The following DOK4 variants were observed in gnomAD, a reference collection of about 807,000 sequenced individuals.
DOK4 encodes the protein docking protein 4.
DOK4 carries 26 observed loss-of-function variants against 40.1 expected under a neutral mutation model. The ratio of observed to expected loss-of-function variants is 0.65; its 90% CI spans 0.48 to 0.90. The LOEUF (loss-of-function observed/expected upper bound fraction) is 0.90. DOK4 is among the 40% of genes least tolerant of loss of function. The pLI, the probability that DOK4 is intolerant of heterozygous loss-of-function variation, is 0.00. For missense variants in DOK4, 392 were observed against 437.2 expected (o/e 0.90, Z 0.92); for synonymous variants, 179 against 177.0 (o/e 1.01, Z -0.09).
Position 57,479,752 on chromosome 16 carries a change from G to A in DOK4, c.-181-64C>T, listed in dbSNP as rs1169340047. Reference sequence around the variant, plus strand: ...ATCTTTCTCTTCCTCTCGCTGTCTCGCTCTCTTTTTTCCTTCCTCTTCCCA... The same window carrying A: ...ATCTTTCTCTTCCTCTCGCTGTCTCACTCTCTTTTTTCCTTCCTCTTCCCA... On this transcript the variant is annotated intron_variant, in intron 1 of 8. Coordinates refer to ENST00000340099, the Ensembl canonical transcript of DOK4. The surrounding 1 kb of genome is among the most constrained non-coding windows in gnomAD (Gnocchi z 5.8). 6.9e-6 allele frequency: 3 copies of A among 436,028 alleles called. No homozygotes were observed. The highest frequency in any genetic ancestry group is 6.3e-4 in the Middle Eastern group (1 of 1,596). The allele number at this position is 436,028 out of a possible 1,614,324, so 27.0% of individuals were successfully genotyped here.
At position 57,485,698 on chromosome 16, in the gene DOK4, TAGAA is replaced by T. The variant is rs2031521984; in HGVS notation, c.-182+603_-182+606del. On this transcript the variant is annotated intron_variant, in intron 1 of 8. Coordinates refer to ENST00000340099, the Ensembl canonical transcript of DOK4. This position sits in a 1 kb window ranked among gnomAD's most constrained non-coding sequence, Gnocchi z 4.3. The stretch of plus-strand genomic sequence containing the variant: ...CTCGGCTCATGCCCCTTTTCAGTAA[TAGAA>T]AGCATGTAACTGGATCTAGGGCCTT... 6.6e-6 allele frequency among the ~76,000 whole-genome samples: 1 copy of T among 152,010 alleles called. No homozygotes were observed. Among genetic ancestry groups the T allele is most frequent in the African/African-American group, 2.4e-5 (1 of 41,380 alleles).
rs114686547 is a variant in DOK4 at position 57,477,489 on chromosome 16, T to C, written c.67-1532A>G. The stretch of plus-strand genomic sequence containing the variant: ...TATGAAGGAACCGTGAATGAATGGA[T>C]GGATGAATGGATGGATGCTGCCGAC... On this transcript the variant is annotated intron_variant, in intron 2 of 8. Transcript: ENST00000340099. 8.9e-3 allele frequency among the ~76,000 whole-genome samples: 1,349 copies of C among 152,320 alleles called. 22 individuals are homozygous for C. The highest frequency in any genetic ancestry group is 0.03 in the African/African-American group (1,255 of 41,570).
At chr16:57,487,301 C>T (rs1237007460), upstream of DOK4, 1 of 152,240 alleles carries the variant, frequency 6.6e-6, no homozygotes, top group Non-Finnish European at 1.5e-5. Context: ...CTTCCCATCA[C>T]CTTGAAACTT....
chr16:57,485,262 G>T lies in DOK4; in HGVS notation c.-182+1043C>A, dbSNP rs1023546919. Among the ~76,000 whole-genome samples, 7 of 152,218 alleles carry T rather than the reference G, an allele frequency of 4.6e-5. No individual in the cohort carries two copies. Among genetic ancestry groups the T allele is most frequent in the African/African-American group, 1.7e-4 (7 of 41,454 alleles). ...ACATCGAGGCCAGGCCTAGTTGGGC[G>T]GCCCCACCTTGGCCAGGGTTGTGGG... On this transcript the variant is annotated intron_variant, in intron 1 of 8. Transcript: ENST00000340099. This position sits in a 1 kb window ranked among gnomAD's most constrained non-coding sequence, Gnocchi z 4.3.
rs992645770 is a variant in DOK4, at chr16:57,474,776, A to T, written c.599+17T>A. 2 of 1,611,560 alleles carry T rather than the reference A, an allele frequency of 1.2e-6. No individual in the cohort carries two copies. ...CACACCATAGTAGGACAGGGCTGGGAGGCGAGAGGGTCCTACCGGCCAGCC... is the reference window on the plus strand; with the variant it reads ...CACACCATAGTAGGACAGGGCTGGGTGGCGAGAGGGTCCTACCGGCCAGCC... On this transcript the variant is annotated intron_variant, in intron 6 of 8. Coordinates refer to ENST00000340099, the Ensembl canonical transcript of DOK4.
chr16:57,474,689 G>A, intron 6 of DOK4, 104 bp downstream of exon 6: 1 of 1,397,778 alleles, frequency 7.2e-7, no homozygotes, highest in Non-Finnish European at 9.8e-7. Flanking sequence ...GGGATTGCTA[G>A]GCCAATAAGT....
intron 7 of DOK4, 67 bp from the exon 8 acceptor site, chr16:57,473,803 A>G: frequency 6.3e-7 from 1 of 1,589,004 alleles, no homozygotes; most frequent in Non-Finnish European, 8.6e-7. Flanking sequence ...CCACCCCAAG[A>G]CCCTACCTGC....
rs1326184980 is a variant in DOK4, at chr16:57,481,857, C to T, written c.-181-2169G>A. The T allele has an allele frequency of 1.6e-4, 25 of 152,186 alleles. 1 individual carries two copies. Among genetic ancestry groups the T allele is most frequent in the Admixed American group, 1.6e-3 (25 of 15,282 alleles). The allele number at this position is 152,186 out of a possible 1,614,324, so 9.4% of individuals were successfully genotyped here. Reference sequence around the variant, plus strand: ...CCCACTTGGGACACAGAGCTTCTACCCTTTTTCTTTTTCTTTTTCTTTTTT... The same window carrying T: ...CCCACTTGGGACACAGAGCTTCTACTCTTTTTCTTTTTCTTTTTCTTTTTT... On this transcript the variant is annotated intron_variant, in intron 1 of 8. Transcript: ENST00000340099.
Position 57,483,021 on chromosome 16 carries a change from G to T in DOK4, c.-182+3284C>A, listed in dbSNP as rs375292241. Among the ~76,000 whole-genome samples the T allele has an allele frequency of 2.9e-4, 44 of 152,288 alleles. No homozygotes were observed. In the South Asian group the frequency reaches 9.1e-3, roughly 32 times the overall value. On this transcript the variant is annotated intron_variant, in intron 1 of 8. Transcript: ENST00000340099. ...CCCCAGCGGGAAGAGTGACCTTCAC[G>T]GGGAAGGCTGGGTGCCAAAGTCCTG...
Position 57,473,506 on chromosome 16 carries a change from A to G in DOK4, c.863-11T>C, listed in dbSNP as rs774867851. 1 of 1,614,208 alleles carries G rather than the reference A, an allele frequency of 6.2e-7. No individual in the cohort carries two copies. Among genetic ancestry groups the G allele is most frequent in the East Asian group, 2.2e-5 (1 of 44,874 alleles). On this transcript the variant is annotated splice_polypyrimidine_tract_variant and intron_variant, in intron 8 of 8. Transcript: ENST00000340099. ...CCCCATACCCCTCACCTGTGGGCAC[A>G]GAAGCAGGCTCAGAACTCAGAGCTA... is the stretch of plus-strand genomic sequence containing the variant.
intron 6 of DOK4, 145 bp downstream of exon 6, chr16:57,474,648 T>C (rs1216385561): frequency 8.6e-6 from 9 of 1,046,308 alleles, no homozygotes; most frequent in Non-Finnish European, 1.2e-5. Flanking sequence ...CATTTCTTCG[T>C]CTGTAAAATG....
In DOK4 at chr16:57,479,350, G is replaced by T; in HGVS notation, c.66+92C>A. The T allele has an allele frequency of 7.0e-7, 1 of 1,423,694 alleles. No homozygotes were observed. The highest frequency in any genetic ancestry group is 9.7e-7 in the Non-Finnish European group (1 of 1,031,204). The allele number at this position is 1,423,694 out of a possible 1,614,324, so 88.2% of individuals were successfully genotyped here. ...GATGCCCGGCAGCCGGAGGGCAGCCGCGTGCCCCACGCGCCATGCCTCCAA... is the reference window on the plus strand; with the variant it reads ...GATGCCCGGCAGCCGGAGGGCAGCCTCGTGCCCCACGCGCCATGCCTCCAA... On this transcript the variant is annotated intron_variant, in intron 2 of 8. Transcript: ENST00000340099. This position sits in a 1 kb window ranked among gnomAD's most constrained non-coding sequence, Gnocchi z 5.8.
intron 2 of DOK4, chr16:57,476,245 G>T (rs2031178693): frequency 3.5e-5 from 15 of 426,090 alleles, no homozygotes; most frequent in South Asian, 3.3e-4. Context: ...TGAGTTTAGT[G>T]TGAGTAGCCA....
At chr16:57,482,739 G>A (rs2031451845) in intron 1 of DOK4, among the ~76,000 whole-genome samples, 1 of 152,216 alleles carries the variant, frequency 6.6e-6, no homozygotes, top group East Asian at 1.9e-4. Context: ...CACAAGGCTC[G>A]GCCTCCCTGA....
At chr16:57,482,370 T>G (rs1484546367) in intron 1 of DOK4, among the ~76,000 whole-genome samples, 8 of 141,360 alleles carry the variant, frequency 5.7e-5, no homozygotes, top group East Asian at 4.4e-4. Context: ...TTTGTTTTTT[T>G]TTTTTTTTTT....
intron 3 of DOK4, 95 bp downstream of exon 3, chr16:57,475,755 T>C: frequency 1.3e-6 from 1 of 744,018 alleles, no homozygotes; most frequent in Non-Finnish European, 2.0e-6. Flanking sequence ...TCTCCCCCTT[T>C]CTCCCCTCTC....
intron 1 of DOK4, among the ~76,000 whole-genome samples, chr16:57,482,435 C>T (rs990034377): frequency 7.2e-6 from 1 of 138,084 alleles, no homozygotes; most frequent in Non-Finnish European, 1.5e-5. Context: ...GGCCCAATCT[C>T]GGCTCATTGC....
At chr16:57,483,394 G>A (rs1470408005) in intron 1 of DOK4, among the ~76,000 whole-genome samples, 1 of 152,170 alleles carries the variant, frequency 6.6e-6, no homozygotes, top group East Asian at 1.9e-4. Context: ...ACTTTGGGAG[G>A]CCAAAGTGGG....
At chr16:57,474,016 A>C (rs746576928) in exon 7 of DOK4, 3 of 1,614,092 alleles carry the variant, frequency 1.9e-6, no homozygotes, top group East Asian at 4.5e-5. Flanking sequence ...GAAGGTATAG[A>C]GTCCTTCCCC....
Sources: gnomAD v4.1 joint callset for allele counts (sites outside exome capture counted in the v4.1 genomes callset) on GRCh38, gnomAD v4.1.1 for gene constraint, Gnocchi (gnomAD v3.1) non-coding constraint, MANE v1.5 for transcripts, NCBI Gene and HGNC (gene_info 2026-07-23, HGNC 2026-07-21) for gene names.